NSMCE2: variants seen among roughly 807,000 people sequenced by gnomAD.
NSMCE2 encodes the protein NSE2 SUMO ligase component of SMC5/6 complex, also known as E3 SUMO-protein ligase NSE2.
NSMCE2 carries 24 observed loss-of-function variants against 23.8 expected under a neutral mutation model. The ratio of observed to expected loss-of-function variants is 1.01; its 90% CI spans 0.73 to 1.42. The LOEUF is 1.42. NSMCE2 is among the 40% of genes most tolerant of loss of function. The pLI, the probability that NSMCE2 is intolerant of heterozygous loss-of-function variation, is 0.00. For synonymous variants in NSMCE2, 92 were observed against 94.1 expected, an observed-to-expected ratio of 0.98 and a Z score of 0.13; for missense variants, 284 against 296.5, an observed-to-expected ratio of 0.96 and a Z score of 0.31.
Position 125,102,212 on chromosome 8 carries a change from T to C in NSMCE2, c.-15+66T>C, listed in dbSNP as rs1032400393. 8.7e-5 allele frequency: 67 copies of C among 773,362 alleles called. No individual in the cohort carries two copies. In the Admixed American group the frequency reaches 1.5e-3, roughly 17 times the overall value. The allele number at this position is 773,362 out of a possible 1,614,324, so 47.9% of individuals were successfully genotyped here. On this transcript the variant is annotated intron_variant, in intron 2 of 7. Coordinates refer to ENST00000287437, the MANE Select transcript of NSMCE2 (RefSeq NM_173685.4). ...ACAGAATAGTGTGGCATTTATGAGA[T>C]ATTGGATACATTTGTATGAATGTTT...
Position 125,345,045 on chromosome 8 carries a change from C to A in NSMCE2, c.419-12174C>A, listed in dbSNP as rs990926442. Among the ~76,000 whole-genome samples, 14 of 150,514 alleles carry A rather than the reference C, an allele frequency of 9.3e-5. 1 individual carries two copies. The East Asian group carries it at 2.3e-3, about 25-fold the overall frequency. On this transcript the variant is annotated intron_variant, in intron 5 of 7. Coordinates refer to ENST00000287437, the MANE Select transcript of NSMCE2 (RefSeq NM_173685.4). Reference sequence around the variant, plus strand: ...CAACAAACTTAAAAAAAAAAAAAAACCTCCACATTTTTGACAGCCGATTAC... The same window carrying A: ...CAACAAACTTAAAAAAAAAAAAAAAACTCCACATTTTTGACAGCCGATTAC...
chr8:125,126,064 A>G (rs1251712009), intron 3 of NSMCE2, among the ~76,000 whole-genome samples: 2 of 152,132 alleles, frequency 1.3e-5, no homozygotes, highest in African/African-American at 4.8e-5. Flanking sequence ...TGTTCATTAT[A>G]CAAACATCCT....
At chr8:125,135,944 C>A (rs191696389) in intron 3 of NSMCE2, among the ~76,000 whole-genome samples, 1 of 152,236 alleles carries the variant, frequency 6.6e-6, no homozygotes, top group African/African-American at 2.4e-5. Context: ...ACAGAGAAGT[C>A]GGCCAAGGTT....
At chr8:125,354,702 T>C (rs1813180690) in intron 5 of NSMCE2, among the ~76,000 whole-genome samples, 1 of 152,200 alleles carries the variant, frequency 6.6e-6, no homozygotes, top group African/African-American at 2.4e-5. Flanking sequence ...CATACAAATA[T>C]ACCAGTCTAC....
intron 5 of NSMCE2, among the ~76,000 whole-genome samples, chr8:125,235,136 G>C (rs1017698594): frequency 6.6e-6 from 1 of 152,118 alleles, no homozygotes; most frequent in South Asian, 2.1e-4. Context: ...AGCTACTCGG[G>C]AGGCTGAGGC....
intron 5 of NSMCE2, among the ~76,000 whole-genome samples, chr8:125,322,028 T>C (rs1829479545): frequency 6.6e-6 from 1 of 152,230 alleles, no homozygotes; most frequent in African/African-American, 2.4e-5. Flanking sequence ...TTTTTTTGTT[T>C]ATTTCAATAT....
chr8:125,135,684 A>G (rs928512541), intron 3 of NSMCE2, among the ~76,000 whole-genome samples: 1 of 152,000 alleles, frequency 6.6e-6, no homozygotes, highest in Non-Finnish European at 1.5e-5. Context: ...TCTCAGCTGA[A>G]TTGCCTTTGC....
intron 3 of NSMCE2, among the ~76,000 whole-genome samples, chr8:125,135,488 G>T (rs1586489709): frequency 2.0e-5 from 3 of 152,204 alleles, no homozygotes; most frequent in Middle Eastern, 6.8e-3. Flanking sequence ...ATTTTCTTCT[G>T]TATTTTTCTA....
At chr8:125,153,073 A>AAAG (rs1821127067) in intron 4 of NSMCE2, among the ~76,000 whole-genome samples, 1 of 150,056 alleles carries the variant, frequency 6.7e-6, no homozygotes, top group African/African-American at 2.5e-5. Context: ...AAAAAAAAAA[A>AAAG]AAAAAAAAGA....
At chr8:125,301,890 C>T (rs575256145) in intron 5 of NSMCE2, among the ~76,000 whole-genome samples, 5 of 152,268 alleles carry the variant, frequency 3.3e-5, no homozygotes, top group Non-Finnish European at 7.4e-5. Context: ...TCTCGAACTC[C>T]TGACCTCAGG....
At chr8:125,357,895 A>G (rs1325285412) in intron 7 of NSMCE2, 77 bp downstream of exon 7, 3 of 958,490 alleles carry the variant, frequency 3.1e-6, no homozygotes, top group Non-Finnish European at 5.0e-6. Context: ...CGCTAGAGGA[A>G]GAGGCACTTC....
At chr8:125,269,073 A>G (rs1247363218) in intron 5 of NSMCE2, among the ~76,000 whole-genome samples, 12 of 151,720 alleles carry the variant, frequency 7.9e-5, no homozygotes, top group Admixed American at 7.9e-4. Flanking sequence ...GATATATTTG[A>G]CTCTTTAACT....
At chr8:125,345,601 ACAAAAGGTACC>A (rs1830403057) in intron 5 of NSMCE2, among the ~76,000 whole-genome samples, 1 of 152,216 alleles carries the variant, frequency 6.6e-6, no homozygotes, top group Admixed American at 6.5e-5. Flanking sequence ...TACAGTAGGT[ACAAAAGGTACC>A]CTGGAGTCCT....
chr8:125,273,602 C>T (rs1173731092), intron 5 of NSMCE2, among the ~76,000 whole-genome samples: 2 of 152,172 alleles, frequency 1.3e-5, no homozygotes, highest in Non-Finnish European at 2.9e-5. Context: ...TTCCAACTTA[C>T]AGTTTATGGA....
intron 3 of NSMCE2, among the ~76,000 whole-genome samples, chr8:125,131,573 C>T (rs776943708): frequency 4.6e-5 from 7 of 151,956 alleles, no homozygotes; most frequent in Non-Finnish European, 8.8e-5. Context: ...ACAGGTGCAA[C>T]ACCATGGTAG....
At chr8:125,347,630 A>G (rs568433492) in intron 5 of NSMCE2, among the ~76,000 whole-genome samples, 1 of 152,358 alleles carries the variant, frequency 6.6e-6, no homozygotes, top group African/African-American at 2.4e-5. Flanking sequence ...AGAGCTTTCA[A>G]TGTATCAGGA....
At chr8:125,209,958 A>G (rs1473542559) in intron 5 of NSMCE2, among the ~76,000 whole-genome samples, 1 of 152,232 alleles carries the variant, frequency 6.6e-6, no homozygotes, top group Non-Finnish European at 1.5e-5. Flanking sequence ...GCAAAGTCCT[A>G]TGCAAATAAA....
chr8:125,135,609 T>A (rs1382743898), intron 3 of NSMCE2, among the ~76,000 whole-genome samples: 2 of 150,740 alleles, frequency 1.3e-5, no homozygotes. Flanking sequence ...TTTTCCTTCT[T>A]TTTTTTTTCT....
intron 5 of NSMCE2, among the ~76,000 whole-genome samples, chr8:125,319,992 A>G (rs947556011): frequency 2.1e-4 from 32 of 152,048 alleles, no homozygotes; most frequent in African/African-American, 6.8e-4. Flanking sequence ...CCTGACCAAC[A>G]TGGTGAAACG....
Sources: allele counts gnomAD v4.1 joint callset (sites outside exome capture counted in the v4.1 genomes callset), GRCh38; gene constraint gnomAD v4.1.1; transcripts MANE v1.5; gene names NCBI Gene and HGNC (gene_info 2026-07-23, HGNC 2026-07-21).